The following PITPNM3 variants were observed in gnomAD, a reference collection of about 807,000 sequenced individuals.
PITPNM3 encodes membrane-associated phosphatidylinositol transfer protein 3.
A neutral mutation model predicts 102.0 loss-of-function variants in PITPNM3; 26 were observed. The observed-to-expected ratio is 0.25, with a 90% CI of 0.19 to 0.35. The LOEUF (loss-of-function observed/expected upper bound fraction) is 0.35, where lower values mean the gene tolerates loss of function less well. Ranked by LOEUF, PITPNM3 falls within the 10% of genes least tolerant of loss-of-function variation. The pLI is 1.00. For missense variants in PITPNM3, 1,083 were observed against 1,346.1 expected (o/e 0.80, Z 3.06); for synonymous variants, 578 against 558.6 (o/e 1.03, Z -0.49).
intron 3 of PITPNM3, among the ~76,000 whole-genome samples, chr17:6,508,481 G>A (rs540630002): frequency 1.3e-5 from 2 of 152,290 alleles, no homozygotes; most frequent in African/African-American, 2.4e-5. Flanking sequence ...CCTATTGGTC[G>A]GGGGCTTCCT....
At chr17:6,509,092 G>A (rs1225714136) in intron 3 of PITPNM3, among the ~76,000 whole-genome samples, 1 of 152,204 alleles carries the variant, frequency 6.6e-6, no homozygotes, top group Non-Finnish European at 1.5e-5. Flanking sequence ...AAGGAACTGG[G>A]AAGGCAGAGT....
Position 6,472,850 on chromosome 17 carries a change from G to C in PITPNM3, c.1259-23C>G. On this transcript the variant is annotated intron_variant, in intron 10 of 19. Transcript: ENST00000262483. The surrounding 1 kb of genome is among the most constrained non-coding windows in gnomAD (Gnocchi z 4.1). The stretch of plus-strand genomic sequence containing the variant: ...AGCCTGGGGTGAGTGGGAAGACAGA[G>C]GGAAGCCACTTTCTAGTACCTGCTC... 6.2e-7 allele frequency: 1 copy of C among 1,613,414 alleles called. No individual in the cohort carries two copies. The highest frequency in any genetic ancestry group is 8.5e-7 in the Non-Finnish European group (1 of 1,179,692).
chr17:6,464,214 G>T lies in PITPNM3; in HGVS notation c.2112C>A (p.Pro704=), dbSNP rs113324010. 40 of 1,614,182 alleles carry T rather than the reference G, an allele frequency of 2.5e-5. No individual in the cohort carries two copies. The highest frequency in any genetic ancestry group is 2.0e-4 in the African/African-American group (15 of 75,050). ...GATAGACACCAACCCCCAGGCGCCG[G>T]GGCCGCGGCACATTGTATGTGATGC... ...SGRITYNVPR[P]RRLGVGVYPV... is the part of the protein sequence containing the mutation. The change falls in exon 16 of 20, where the codon CCC becomes CCA. Residue 704 remains proline (P), a synonymous_variant. Coordinates refer to ENST00000262483, the MANE Select transcript of PITPNM3 (RefSeq NM_031220.4).
intron 2 of PITPNM3, among the ~76,000 whole-genome samples, chr17:6,528,849 A>G (rs545512222): frequency 4.6e-5 from 7 of 152,192 alleles, no homozygotes; most frequent in African/African-American, 1.7e-4. Context: ...CAGCAGCAAT[A>G]TCTCCTTTTG....
chr17:6,531,707 G>A (rs1395666579), intron 2 of PITPNM3, among the ~76,000 whole-genome samples: 1 of 152,146 alleles, frequency 6.6e-6, no homozygotes. Flanking sequence ...GGGCTACTGG[G>A]TCTAGTCTGC....
intron 17 of PITPNM3, 115 bp from the exon 18 acceptor site, chr17:6,461,671 C>A: frequency 8.1e-7 from 1 of 1,240,278 alleles, no homozygotes; most frequent in Non-Finnish European, 1.2e-6. Context: ...GAGTCTGAGG[C>A]GTGCTAGGGA....
At chr17:6,544,139 G>A (rs1278177467) in intron 1 of PITPNM3, among the ~76,000 whole-genome samples, 1 of 152,218 alleles carries the variant, frequency 6.6e-6, no homozygotes, top group Non-Finnish European at 1.5e-5. Context: ...ACTGGCCTGT[G>A]GCCACAGCTT....
In PITPNM3 at chr17:6,474,432, C is replaced by T; in HGVS notation, c.1258G>A (p.Gly420Ser). The T allele has an allele frequency of 6.2e-7, 1 of 1,613,104 alleles. No individual in the cohort carries two copies. Among genetic ancestry groups the T allele is most frequent in the Non-Finnish European group, 8.5e-7 (1 of 1,179,804 alleles). The change falls in exon 10 of 20, where the codon GGC becomes AGC. Residue 420 changes from glycine (G) to serine (S), a missense_variant and splice_region_variant. By Grantham distance (56) the Gly-to-Ser change is moderately conservative (BLOSUM62 0). Transcript: ENST00000262483. ...AGGCCCCAGCCCACACCATCCCTACCGTCCAGCCCAGGCAGCACCGTCCTC... is the reference window on the plus strand; with the variant it reads ...AGGCCCCAGCCCACACCATCCCTACTGTCCAGCCCAGGCAGCACCGTCCTC... ...MRRTVLPGLD[G>S]FQVRPACSQV...
At chr17:6,512,722 G>T (rs1907938033) in intron 3 of PITPNM3, among the ~76,000 whole-genome samples, 1 of 152,118 alleles carries the variant, frequency 6.6e-6, no homozygotes, top group African/African-American at 2.4e-5. Context: ...TAGCTCTCTG[G>T]AATGCTAGAG....
chr17:6,534,282 G>A (rs571811367), intron 2 of PITPNM3, among the ~76,000 whole-genome samples: 29 of 152,304 alleles, frequency 1.9e-4, no homozygotes, highest in African/African-American at 7.0e-4. Context: ...TGCCACCTTA[G>A]CCAGAGGAGC....
chr17:6,477,247 G>C (rs187900964), intron 8 of PITPNM3, 34 bp from the exon 9 acceptor site: 21 of 1,605,612 alleles, frequency 1.3e-5, no homozygotes, highest in Non-Finnish European at 1.8e-5. Flanking sequence ...GAGAGAAAAA[G>C]ACTGTTGTCA....
chr17:6,497,070 C>T (rs1906876155), intron 4 of PITPNM3, among the ~76,000 whole-genome samples: 2 of 152,168 alleles, frequency 1.3e-5, no homozygotes, highest in South Asian at 4.1e-4. Context: ...GGACGTCTGC[C>T]ACCCTGAGCT....
At chr17:6,480,260 G>A (rs1325002816) in intron 6 of PITPNM3, 1 of 152,200 alleles carries the variant, frequency 6.6e-6, no homozygotes, top group Non-Finnish European at 1.5e-5. Context: ...ATTGAGATCT[G>A]CCTGCAATTC....
rs1555559104 is a variant in PITPNM3 at position 6,521,623 on chromosome 17, A to AAT, written c.226+3731_226+3732dup. On this transcript the variant is annotated intron_variant, in intron 3 of 19. Coordinates refer to ENST00000262483, the MANE Select transcript of PITPNM3 (RefSeq NM_031220.4). ...GAAGGATCCCTTTCCATTAAAAAAA[A>AAT]ATATATATATATACTGGGCAATATG... Among the ~76,000 whole-genome samples the AAT allele has an allele frequency of 1.1e-3, 167 of 151,152 alleles. 2 individuals carry two copies. Among genetic ancestry groups the AAT allele is most frequent in the Admixed American group, 1.0e-2 (152 of 15,218 alleles).
Position 6,472,111 on chromosome 17 carries a change from T to C in PITPNM3, c.1429+546A>G, listed in dbSNP as rs1905103119. ...GGTCTCCCATCGACGATACACTCGG[T>C]CCATGCCCGGTTCACCCCACTTGAC... On this transcript the variant is annotated intron_variant, in intron 11 of 19. Coordinates refer to ENST00000262483, the MANE Select transcript of PITPNM3 (RefSeq NM_031220.4). The surrounding 1 kb of genome is among the most constrained non-coding windows in gnomAD (Gnocchi z 4.1). Among the ~76,000 whole-genome samples, 1 of 152,184 alleles carries C rather than the reference T, an allele frequency of 6.6e-6. No homozygotes were observed. Among genetic ancestry groups the C allele is most frequent in the Admixed American group, 6.5e-5 (1 of 15,276 alleles).
chr17:6,477,317 G>T, intron 8 of PITPNM3, 104 bp from the exon 9 acceptor site: 1 of 1,186,138 alleles, frequency 8.4e-7, no homozygotes, highest in Non-Finnish European at 1.2e-6. Context: ...TTCATCCTAA[G>T]ATGTGAGGGG....
At chr17:6,553,681 AC>A (rs1333723528) in intron 1 of PITPNM3, among the ~76,000 whole-genome samples, 2 of 152,054 alleles carry the variant, frequency 1.3e-5, no homozygotes, top group Non-Finnish European at 2.9e-5. Flanking sequence ...CCCCTCATTC[AC>A]AGGCCGGGTG....
intron 2 of PITPNM3, among the ~76,000 whole-genome samples, chr17:6,536,555 G>A (rs1909443587): frequency 6.6e-6 from 1 of 152,094 alleles, no homozygotes. Context: ...CAAGAATGGG[G>A]GACAGCTCCC....
Position 6,470,178 on chromosome 17 carries a change from G to A in PITPNM3, c.1773+82C>T, listed in dbSNP as rs1904993748. 1 of 1,450,586 alleles carries A rather than the reference G, an allele frequency of 6.9e-7. No individual in the cohort carries two copies. The highest frequency in any genetic ancestry group is 9.4e-7 in the Non-Finnish European group (1 of 1,064,396). The allele number at this position is 1,450,586 out of a possible 1,614,324, so 89.9% of individuals were successfully genotyped here. A position where few individuals can be genotyped will look rare whatever the true frequency, so the allele number is the denominator to read the frequency against. On this transcript the variant is annotated intron_variant, in intron 13 of 19. Transcript: ENST00000262483. This position sits in a 1 kb window ranked among gnomAD's most constrained non-coding sequence, Gnocchi z 4.8. ...GCCAAAAGCTGAACAGTGTCTGCAA[G>A]AATAGCCTCCTCTCCAGCTGGAGAA... is the stretch of plus-strand genomic sequence containing the variant.
Sources: gnomAD v4.1 joint callset for allele counts (sites outside exome capture counted in the v4.1 genomes callset) on GRCh38, gnomAD v4.1.1 for gene constraint, Gnocchi (gnomAD v3.1) non-coding constraint, MANE v1.5 for transcripts, NCBI Gene and HGNC (gene_info 2026-07-23, HGNC 2026-07-21) for gene names.